Variants in BAIAP2 observed in about 807,000 individuals in gnomAD.
The protein encoded by BAIAP2 is BAR/IMD domain-containing adapter protein 2.
BAIAP2 carries 18 observed loss-of-function variants against 63.0 expected under a neutral mutation model. The observed-to-expected ratio is 0.29, with a 90% CI of 0.20 to 0.42. BAIAP2 has a LOEUF of 0.42. Ranked by LOEUF, BAIAP2 falls within the 10% of genes least tolerant of loss-of-function variation. The probability of loss-of-function intolerance (pLI) is 1.00; values close to 1 mark genes in which losing one functional copy is unlikely to be tolerated. For missense variants in BAIAP2, 610 were observed against 734.3 expected, an observed-to-expected ratio of 0.83 and a Z score of 1.96; for synonymous variants, 386 against 307.6, an observed-to-expected ratio of 1.25 and a Z score of -2.67.
intron 1 of BAIAP2, among the ~76,000 whole-genome samples, chr17:81,050,295 G>A (rs1299001260): frequency 6.6e-6 from 1 of 152,216 alleles, no homozygotes; most frequent in Non-Finnish European, 1.5e-5. Context: ...TGCGTGTCCC[G>A]GCCGCCGCCC....
intron 10 of BAIAP2, 60 bp downstream of exon 10, chr17:81,104,775 A>C: frequency 6.7e-7 from 1 of 1,483,350 alleles, no homozygotes; most frequent in East Asian, 2.5e-5. Flanking sequence ...TGTGTGGGGC[A>C]GCGACACTCA....
chr17:81,077,618 T>A lies in BAIAP2; in HGVS notation c.218-7214T>A, dbSNP rs114029222. ...TTTATGTTATGTGAATTTTTCTCAA[T>A]TTTAAAAAAAGAGCCTAATGCTGGG... On this transcript the variant is annotated intron_variant, in intron 3 of 13. Transcript: ENST00000428708. Among the ~76,000 whole-genome samples, 1,022 of 152,244 alleles carry A rather than the reference T, an allele frequency of 6.7e-3. 10 individuals carry two copies. Among genetic ancestry groups the A allele is most frequent in the African/African-American group, 0.023 (973 of 41,534 alleles).
chr17:81,075,598 G>T (rs1050024005), intron 3 of BAIAP2, among the ~76,000 whole-genome samples: 1 of 152,190 alleles, frequency 6.6e-6, no homozygotes, highest in African/African-American at 2.4e-5. Context: ...CTTGTGGGGT[G>T]CTCCTTTGAG....
intron 6 of BAIAP2, chr17:81,087,452 C>T (rs1464510715): frequency 6.6e-6 from 1 of 152,318 alleles, no homozygotes; most frequent in Non-Finnish European, 1.5e-5. Context: ...TGGCTGTGGC[C>T]TCGCCCTGGG....
chr17:81,053,630 T>C (rs2049017826), intron 1 of BAIAP2, 38 bp from the exon 2 acceptor site: 4 of 1,612,168 alleles, frequency 2.5e-6, no homozygotes, highest in Non-Finnish European at 3.4e-6. Context: ...CAGGGTGACC[T>C]CTGCCAGTAA....
intron 3 of BAIAP2, among the ~76,000 whole-genome samples, chr17:81,071,560 G>A (rs2052665047): frequency 6.6e-6 from 1 of 152,248 alleles, no homozygotes; most frequent in South Asian, 2.1e-4. Flanking sequence ...GAAAGGAGAA[G>A]AGTTCCAGTG....
chr17:81,036,998 C>T, intron 1 of BAIAP2: 2 of 1,498,544 alleles, frequency 1.3e-6, no homozygotes, highest in Non-Finnish European at 1.8e-6. Context: ...GGGGGACCGA[C>T]CCCGTGATCG....
At chr17:81,111,334 G>A (rs1477374513) in intron 13 of BAIAP2, among the ~76,000 whole-genome samples, 1 of 152,272 alleles carries the variant, frequency 6.6e-6, no homozygotes, top group East Asian at 1.9e-4. Context: ...CTGACTCGCA[G>A]CGCCAGCTTG....
Position 81,085,531 on chromosome 17 carries a change from G to A in BAIAP2, c.280-123G>A, listed in dbSNP as rs558175034. 2,969 of 797,892 alleles carry A rather than the reference G, an allele frequency of 3.7e-3. 17 individuals carry two copies. The highest frequency in any genetic ancestry group is 0.016 in the South Asian group (1,158 of 70,250). 49.4% of individuals were successfully genotyped at this position (797,892 alleles called of 1,614,324 possible). A position where few individuals can be genotyped will look rare whatever the true frequency, so the allele number is the denominator to read the frequency against. ...CACAGCTCATCAGTCAGGGGGAGGGGGCCCCTCCTGCACAGCCGGGACACC... is the reference window on the plus strand; with the variant it reads ...CACAGCTCATCAGTCAGGGGGAGGGAGCCCCTCCTGCACAGCCGGGACACC... On this transcript the variant is annotated intron_variant, in intron 4 of 13. Coordinates refer to ENST00000428708, the MANE Select transcript of BAIAP2 (RefSeq NM_001144888.2).
intron 1 of BAIAP2, among the ~76,000 whole-genome samples, chr17:81,049,103 G>A (rs1039150861): frequency 4.6e-5 from 7 of 152,274 alleles, no homozygotes; most frequent in Non-Finnish European, 8.8e-5. Flanking sequence ...GGCCCAGGGA[G>A]CCAGTGCGTG....
At position 81,057,972 on chromosome 17, in the gene BAIAP2, G is replaced by GGGGGCC; in HGVS notation, c.217+5_217+6insGGGGCC. The GGGGGCC allele has an allele frequency of 1.1e-6, 1 of 911,328 alleles. No individual in the cohort carries two copies. 56.5% of individuals were successfully genotyped at this position (911,328 alleles called of 1,614,324 possible). On this transcript the variant is annotated splice_donor_region_variant and intron_variant, in intron 3 of 13. Transcript: ENST00000428708. ...GCCAGGGCTCCAAAGAACTCGGTGA[G>GGGGGCC]ACCCCCCCCCCCCCCCCGCCTGGTA... is the stretch of plus-strand genomic sequence containing the variant.
chr17:81,079,312 A>C (rs112070707), intron 3 of BAIAP2, among the ~76,000 whole-genome samples: 1 of 151,912 alleles, frequency 6.6e-6, no homozygotes, highest in Non-Finnish European at 1.5e-5. Flanking sequence ...AGCGGGTTTC[A>C]CTCTTAGCCT....
At chr17:81,103,764 G>T (rs779050963) in intron 8 of BAIAP2, 41 bp downstream of exon 8, 1 of 1,581,332 alleles carries the variant, frequency 6.3e-7, no homozygotes, top group Non-Finnish European at 8.6e-7. Context: ...GGTGTGGGTG[G>T]GAGGGCAGCT....
intron 13 of BAIAP2, among the ~76,000 whole-genome samples, chr17:81,115,545 C>T (rs925529664): frequency 6.6e-6 from 1 of 152,162 alleles, no homozygotes; most frequent in Non-Finnish European, 1.5e-5. Context: ...GGGCACCCTG[C>T]CTTGTCTAGG....
At chr17:81,062,090 C>T (rs1029363574) in intron 3 of BAIAP2, among the ~76,000 whole-genome samples, 10 of 151,934 alleles carry the variant, frequency 6.6e-5, no homozygotes, top group African/African-American at 1.5e-4. Flanking sequence ...TTATAGGCAC[C>T]GGCCACCACA....
chr17:81,102,141 T>TCCCACAGA (rs71367034), intron 7 of BAIAP2, among the ~76,000 whole-genome samples: 1,675 of 152,076 alleles, frequency 0.011, 13 homozygotes, highest in African/African-American at 0.021. Flanking sequence ...GAGGCCTGTG[T>TCCCACAGA]CCCACAGACC....
Position 81,117,099 on chromosome 17 carries a change from G to C in BAIAP2, c.*1260G>C, listed in dbSNP as rs1056703647. The stretch of plus-strand genomic sequence containing the variant: ...GCCTGCAGGAAGGGAGACCTGCAGG[G>C]CGCTACCCCTGCGCCCCCACACACA... On this transcript the variant is annotated 3_prime_UTR_variant, in exon 14 of 14. Transcript: ENST00000428708. The C allele has an allele frequency of 2.0e-5, 3 of 152,290 alleles. No individual in the cohort carries two copies. Among genetic ancestry groups the C allele is most frequent in the African/African-American group, 7.2e-5 (3 of 41,444 alleles). 9.4% of individuals were successfully genotyped at this position (152,290 alleles called of 1,614,324 possible). A position where few individuals can be genotyped will look rare whatever the true frequency, so the allele number is the denominator to read the frequency against.
chr17:81,066,645 G>A (rs1317836633), intron 3 of BAIAP2, among the ~76,000 whole-genome samples: 1 of 152,246 alleles, frequency 6.6e-6, no homozygotes, highest in African/African-American at 2.4e-5. Flanking sequence ...GAAGGTCCTT[G>A]GTCATGTGAA....
intron 6 of BAIAP2, among the ~76,000 whole-genome samples, chr17:81,097,359 G>A (rs184612836): frequency 4.6e-5 from 7 of 152,358 alleles, no homozygotes; most frequent in African/African-American, 1.4e-4. Context: ...GGCAGAGCCA[G>A]TGCCCGGTGG....
Sources: allele counts gnomAD v4.1 joint callset (sites outside exome capture counted in the v4.1 genomes callset), GRCh38; gene constraint gnomAD v4.1.1; transcripts MANE v1.5; gene names NCBI Gene and HGNC (gene_info 2026-07-23, HGNC 2026-07-21).